NEK6: variants seen among roughly 807,000 people sequenced by gnomAD.
The protein encoded by NEK6 is NIMA related kinase 6, also known as serine/threonine-protein kinase Nek6.
NEK6 carries 27 observed loss-of-function variants against 43.5 expected under a neutral mutation model. The observed-to-expected ratio is 0.62, with a 90% CI of 0.46 to 0.86. NEK6 has a LOEUF of 0.86. NEK6 is among the 40% of genes least tolerant of loss of function. The pLI is 0.00. For synonymous variants in NEK6, 167 were observed against 164.1 expected, an observed-to-expected ratio of 1.02 and a Z score of -0.14; for missense variants, 318 against 414.4, an observed-to-expected ratio of 0.77 and a Z score of 2.02.
intron 7 of NEK6, among the ~76,000 whole-genome samples, chr9:124,334,652 G>A (rs562403964): frequency 1.3e-5 from 2 of 152,332 alleles, no homozygotes; most frequent in East Asian, 1.9e-4. Flanking sequence ...CTGAGCAGCC[G>A]GCTCTCCCTG....
intron 8 of NEK6, among the ~76,000 whole-genome samples, chr9:124,346,815 C>G (rs985332375): frequency 1.3e-5 from 2 of 152,212 alleles, no homozygotes; most frequent in Middle Eastern, 3.2e-3. Flanking sequence ...GGCCACCGCC[C>G]CACAGGCCTT....
In NEK6 at chr9:124,327,335, C is replaced by T. The variant is rs113538142; in HGVS notation, c.515-3C>T. The T allele has an allele frequency of 1.7e-5, 27 of 1,613,472 alleles. No individual in the cohort carries two copies. Among genetic ancestry groups the T allele is most frequent in the Non-Finnish European group, 2.0e-5 (24 of 1,179,640 alleles). ...CACCAATCTCCTTCTCCTCGCCCTG[C>T]AGACATCAAGCCTGCCAACGTGTTC... is the stretch of plus-strand genomic sequence containing the variant. On this transcript the variant is annotated splice_polypyrimidine_tract_variant and splice_region_variant and intron_variant, in intron 6 of 9. Coordinates refer to ENST00000320246, the MANE Select transcript of NEK6 (RefSeq NM_014397.6).
chr9:124,315,276 C>T (rs1833757619), intron 4 of NEK6, among the ~76,000 whole-genome samples: 2 of 152,236 alleles, frequency 1.3e-5, no homozygotes, highest in African/African-American at 4.8e-5. Context: ...CGAAGTGAGC[C>T]TTCTTCCAGG....
At chr9:124,290,294 A>G (rs1832356280) in intron 1 of NEK6, among the ~76,000 whole-genome samples, 1 of 152,124 alleles carries the variant, frequency 6.6e-6, no homozygotes, top group South Asian at 2.1e-4. Context: ...ATCTGTGGCC[A>G]CCTCCTCAAG....
intron 7 of NEK6, among the ~76,000 whole-genome samples, chr9:124,339,147 G>A (rs1372343804): frequency 2.0e-5 from 3 of 150,258 alleles, no homozygotes; most frequent in African/African-American, 7.4e-5. Context: ...TCCTGCCTCA[G>A]CCTCCTGAGT....
At chr9:124,337,020 G>A (rs1829333253) in intron 7 of NEK6, among the ~76,000 whole-genome samples, 1 of 152,018 alleles carries the variant, frequency 6.6e-6, no homozygotes, top group Non-Finnish European at 1.5e-5. Context: ...AAGAATTCCG[G>A]GCCTATGCCT....
At chr9:124,320,143 G>A (rs1167310068) in intron 4 of NEK6, among the ~76,000 whole-genome samples, 1 of 152,238 alleles carries the variant, frequency 6.6e-6, no homozygotes, top group Non-Finnish European at 1.5e-5. Context: ...CTGGCTGAGG[G>A]GCAGGCAGGG....
At chr9:124,292,778 C>T (rs2119063872) in intron 1 of NEK6, 1 of 1,325,870 alleles carries the variant, frequency 7.5e-7, no homozygotes, top group African/African-American at 1.5e-5. Flanking sequence ...CCCAGCCTCT[C>T]CTCTGCCAAC....
intron 2 of NEK6, among the ~76,000 whole-genome samples, chr9:124,311,502 C>T (rs924267152): frequency 6.6e-6 from 1 of 152,208 alleles, no homozygotes; most frequent in African/African-American, 2.4e-5. Context: ...TTCCTGAGAG[C>T]TCACTGCACA....
chr9:124,313,901 T>A (rs376768111), intron 3 of NEK6, 22 bp from the exon 4 acceptor site: 15 of 1,613,816 alleles, frequency 9.3e-6, no homozygotes, highest in Middle Eastern at 3.3e-4. Flanking sequence ...CCACTCTATT[T>A]CTCTTTTTCC....
In NEK6 at chr9:124,324,360, T is replaced by C. The variant is rs1450785424; in HGVS notation, c.406-1970T>C. 2.0e-5 allele frequency among the ~76,000 whole-genome samples: 3 copies of C among 152,170 alleles called. No individual in the cohort carries two copies. The highest frequency in any genetic ancestry group is 7.2e-5 in the African/African-American group (3 of 41,444). The stretch of plus-strand genomic sequence containing the variant: ...TCAGAGGCTGTCAGGCAGCAGGGAT[T>C]GTGTCCCGAGAGCCTGCAGCCTCAA... On this transcript the variant is annotated intron_variant, in intron 5 of 9. Coordinates refer to ENST00000320246, the MANE Select transcript of NEK6 (RefSeq NM_014397.6). The surrounding 1 kb of genome is among the most constrained non-coding windows in gnomAD (Gnocchi z 5.3).
At chr9:124,312,266 G>A (rs1833569269) in intron 2 of NEK6, among the ~76,000 whole-genome samples, 1 of 152,188 alleles carries the variant, frequency 6.6e-6, no homozygotes, top group Non-Finnish European at 1.5e-5. Context: ...GTGGTGATGA[G>A]GGCAGTGGGG....
chr9:124,323,983 G>A (rs1398469783), intron 5 of NEK6, among the ~76,000 whole-genome samples: 2 of 152,050 alleles, frequency 1.3e-5, no homozygotes, highest in African/African-American at 4.8e-5. Context: ...CCACGCCTCG[G>A]GTCCTTCCTC....
At chr9:124,331,130 G>GT (rs1338873023) in intron 7 of NEK6, among the ~76,000 whole-genome samples, 1 of 151,864 alleles carries the variant, frequency 6.6e-6, no homozygotes, top group Non-Finnish European at 1.5e-5. Context: ...GCCAGGCCTG[G>GT]TGGTGCACGC....
intron 5 of NEK6, 123 bp downstream of exon 5, chr9:124,321,692 C>G (rs1834073737): frequency 9.2e-6 from 6 of 651,320 alleles, no homozygotes; most frequent in Non-Finnish European, 1.6e-5. Context: ...CCCGGGGACC[C>G]TGGGCGCCCC....
At chr9:124,299,641 G>A (rs1588478250) in intron 1 of NEK6, among the ~76,000 whole-genome samples, 1 of 152,202 alleles carries the variant, frequency 6.6e-6, no homozygotes, top group Non-Finnish European at 1.5e-5. Context: ...AGACCCAGGT[G>A]GGGAGATGAG....
intron 2 of NEK6, among the ~76,000 whole-genome samples, chr9:124,302,862 C>T (rs1029298897): frequency 6.6e-6 from 1 of 152,248 alleles, no homozygotes; most frequent in African/African-American, 2.4e-5. Context: ...TCCCCTGGAG[C>T]AGGGCTTTGC....
intron 8 of NEK6, among the ~76,000 whole-genome samples, chr9:124,347,343 C>T (rs527596113): frequency 2.6e-5 from 4 of 152,182 alleles, no homozygotes; most frequent in Admixed American, 6.5e-5. Flanking sequence ...GGAAAAATCG[C>T]GTTTTATGGA....
At chr9:124,287,552 C>G (rs10986304) in intron 1 of NEK6, among the ~76,000 whole-genome samples, 2 of 152,176 alleles carry the variant, frequency 1.3e-5, no homozygotes, top group Non-Finnish European at 2.9e-5. Flanking sequence ...AGGCCAGATG[C>G]GGTGGCTCAT....
Sources: gnomAD v4.1 joint callset for allele counts (sites outside exome capture counted in the v4.1 genomes callset) on GRCh38, gnomAD v4.1.1 for gene constraint, Gnocchi (gnomAD v3.1) non-coding constraint, MANE v1.5 for transcripts, NCBI Gene and HGNC (gene_info 2026-07-23, HGNC 2026-07-21) for gene names.